ZNF224: variants seen among roughly 807,000 people sequenced by gnomAD.
ZNF224 encodes the protein bone marrow zinc finger 2.
ZNF224 carries 8 observed loss-of-function variants against 10.5 expected under a neutral mutation model. The ratio of observed to expected loss-of-function variants is 0.76; its 90% CI spans 0.45 to 1.37. The LOEUF is 1.37. Among genes scored for constraint, ZNF224 ranks in the 40% most tolerant of loss-of-function variants. The pLI is 0.00. For synonymous variants in ZNF224, 282 were observed against 287.8 expected, an observed-to-expected ratio of 0.98 and a Z score of 0.20; for missense variants, 754 against 854.0, an observed-to-expected ratio of 0.88 and a Z score of 1.46.
chr19:44,096,635 A>G (rs567272530), intron 2 of ZNF224, among the ~76,000 whole-genome samples: 1 of 152,222 alleles, frequency 6.6e-6, no homozygotes, highest in East Asian at 1.9e-4. Flanking sequence ...TCTATATTTA[A>G]ATTTGTTCTA....
At chr19:44,098,242 T>C (rs917040334) in intron 3 of ZNF224, among the ~76,000 whole-genome samples, 1 of 152,238 alleles carries the variant, frequency 6.6e-6, no homozygotes, top group Non-Finnish European at 1.5e-5. Flanking sequence ...GCACTCTTTG[T>C]ATTTAATATT....
chr19:44,097,836 A>G lies in ZNF224; in HGVS notation c.-38A>G. The G allele has an allele frequency of 6.2e-7, 1 of 1,613,552 alleles. No individual in the cohort carries two copies. The highest frequency in any genetic ancestry group is 8.5e-7 in the Non-Finnish European group (1 of 1,179,712). ...ATTCTGCTTTCCCAGGAACTGCATC[A>G]CTCAGGACTCTGCAAGTTTCCAGAA... On this transcript the variant is annotated 5_prime_UTR_variant, in exon 3 of 6. Transcript: ENST00000693561.
intron 2 of ZNF224, 115 bp downstream of exon 2, chr19:44,096,546 C>A (rs1433969425): frequency 6.6e-6 from 1 of 152,142 alleles, no homozygotes; most frequent in East Asian, 1.9e-4. Context: ...CCAAAGACTG[C>A]TAATAGTAGT....
At position 44,107,834 on chromosome 19, in the gene ZNF224, T is replaced by G. The variant is rs1967727441; in HGVS notation, c.1674T>G (p.His558Gln). 5 of 1,601,922 alleles carry G rather than the reference T, an allele frequency of 3.1e-6. No homozygotes were observed. Among genetic ancestry groups the G allele is most frequent in the Non-Finnish European group, 3.4e-6 (4 of 1,172,570 alleles). The change falls in exon 6 of 6, where the codon CAT becomes CAG. Residue 558 changes from histidine (H) to glutamine (Q), a missense_variant. By Grantham distance (24) the His-to-Gln change is conservative. Coordinates refer to ENST00000693561, the MANE Select transcript of ZNF224 (RefSeq NM_001321645.3). ...SFGWASCLLK[H>Q]QRLHSGEKPF... ...GCTGGGCCTCGTGTCTTTTGAAACATCAGAGACTGCACAGTGGAGAAAAAC... is the reference window on the plus strand; with the variant it reads ...GCTGGGCCTCGTGTCTTTTGAAACAGCAGAGACTGCACAGTGGAGAAAAAC...
At chr19:44,096,880 T>C (rs767829602) in intron 2 of ZNF224, among the ~76,000 whole-genome samples, 1 of 152,202 alleles carries the variant, frequency 6.6e-6, no homozygotes, top group African/African-American at 2.4e-5. Context: ...CGGGTTCACA[T>C]TATGCATTGT....
chr19:44,095,016 T>C (rs1270728462), intron 1 of ZNF224: 1 of 199,148 alleles, frequency 5.0e-6, no homozygotes, highest in South Asian at 9.9e-5. Flanking sequence ...TTGCGTCCAC[T>C]TTCATGAAGG....
At chr19:44,104,832 T>C (rs1191006145) in intron 5 of ZNF224, among the ~76,000 whole-genome samples, 1 of 152,180 alleles carries the variant, frequency 6.6e-6, no homozygotes, top group Admixed American at 6.5e-5. Context: ...TGGCTAATTT[T>C]TTTGTATTTT....
In ZNF224 at chr19:44,097,826, G is replaced by C. The variant is rs772623835; in HGVS notation, c.-48G>C. Reference sequence around the variant, plus strand: ...TGCAGGCACAATTCTGCTTTCCCAGGAACTGCATCACTCAGGACTCTGCAA... The same window carrying C: ...TGCAGGCACAATTCTGCTTTCCCAGCAACTGCATCACTCAGGACTCTGCAA... On this transcript the variant is annotated 5_prime_UTR_variant, in exon 3 of 6. Transcript: ENST00000693561. 13 of 1,610,386 alleles carry C rather than the reference G, an allele frequency of 8.1e-6. No individual in the cohort carries two copies. In the South Asian group the frequency reaches 1.1e-4, roughly 14 times the overall value.
chr19:44,108,586 C>G lies in ZNF224; in HGVS notation c.*302C>G, dbSNP rs1967756195. 1 of 444,982 alleles carries G rather than the reference C, an allele frequency of 2.2e-6. No individual in the cohort carries two copies. The highest frequency in any genetic ancestry group is 4.4e-6 in the Non-Finnish European group (1 of 228,606). 27.6% of individuals were successfully genotyped at this position (444,982 alleles called of 1,614,324 possible). ...GCTTCATTCAGAAGTTTGATAATTA[C>G]AGCTATCATTCAGGAGACAGGCCTT... On this transcript the variant is annotated 3_prime_UTR_variant, in exon 6 of 6. Coordinates refer to ENST00000693561, the MANE Select transcript of ZNF224 (RefSeq NM_001321645.3).
Position 44,108,195 on chromosome 19 carries a change from A to C in ZNF224, c.2035A>C (p.Thr679Pro). The C allele has an allele frequency of 6.2e-7, 1 of 1,614,134 alleles. No homozygotes were observed. Among genetic ancestry groups the C allele is most frequent in the Non-Finnish European group, 8.5e-7 (1 of 1,179,950 alleles). ...MHQRVHMGEK[T>P]WKCRECDMCF... is the part of the protein sequence containing the mutation. ...TCAGAGGGTCCACATGGGAGAGAAA[A>C]CATGGAAGTGTAGGGAGTGTGATAT... Residue 679 changes from threonine to proline, a missense_variant, in exon 6 of 6, where the codon ACA becomes CCA. By Grantham distance (38) the Thr-to-Pro change is conservative. Coordinates refer to ENST00000693561, the MANE Select transcript of ZNF224 (RefSeq NM_001321645.3).
At chr19:44,102,068 G>A (rs936838532) in intron 5 of ZNF224, among the ~76,000 whole-genome samples, 3 of 152,124 alleles carry the variant, frequency 2.0e-5, no homozygotes, top group African/African-American at 4.8e-5. Context: ...GTATAACAAC[G>A]TGATCATAAG....
chr19:44,099,850 A>G (rs1212424139), intron 3 of ZNF224, among the ~76,000 whole-genome samples: 3 of 152,212 alleles, frequency 2.0e-5, no homozygotes, highest in Non-Finnish European at 4.4e-5. Context: ...AAAACATGAC[A>G]TAATCATAAT....
intron 1 of ZNF224, 196 bp from the exon 2 acceptor site, chr19:44,096,147 A>G (rs757204729): frequency 5.9e-5 from 9 of 152,176 alleles, no homozygotes; most frequent in Non-Finnish European, 2.9e-5. Context: ...TTATCATGTT[A>G]TATCATACTC....
chr19:44,101,034 AGTTT>A, intron 4 of ZNF224, 95 bp from the exon 5 acceptor site: 2 of 1,611,332 alleles, frequency 1.2e-6, no homozygotes. Flanking sequence ...CTATGGTTCA[AGTTT>A]GAGTGTGCAG....
intron 5 of ZNF224, among the ~76,000 whole-genome samples, chr19:44,103,651 A>C (rs1208996575): frequency 6.6e-6 from 1 of 151,934 alleles, no homozygotes; most frequent in Non-Finnish European, 1.5e-5. Flanking sequence ...AGTATAAAGG[A>C]GTATTTATCT....
In ZNF224 at chr19:44,109,769, CAA is replaced by C. The variant is rs932679313; in HGVS notation, c.*1486_*1487del. On this transcript the variant is annotated 3_prime_UTR_variant, in exon 6 of 6. Coordinates refer to ENST00000693561, the MANE Select transcript of ZNF224 (RefSeq NM_001321645.3). ...AGACACAATAACAAAAGGAGAAAAA[CAA>C]TGTGGCTTTTTTTAGCCTTCATAAC... 2 of 152,138 alleles carry C rather than the reference CAA, an allele frequency of 1.3e-5. No homozygotes were observed. Among genetic ancestry groups the C allele is most frequent in the African/African-American group, 4.8e-5 (2 of 41,448 alleles). 9.4% of individuals were successfully genotyped at this position (152,138 alleles called of 1,614,324 possible). A position where few individuals can be genotyped will look rare whatever the true frequency, so the allele number is the denominator to read the frequency against.
intron 3 of ZNF224, 73 bp from the exon 4 acceptor site, chr19:44,100,724 CTCTG>C: frequency 6.5e-7 from 1 of 1,533,934 alleles, no homozygotes; most frequent in Non-Finnish European, 8.8e-7. Context: ...CACCCCTCCC[CTCTG>C]TCTGCTCAGT....
In ZNF224 at chr19:44,107,572, T is replaced by C; in HGVS notation, c.1412T>C (p.Leu471Pro). Residue 471 changes from leucine to proline, a missense_variant, in exon 6 of 6, where the codon CTT becomes CCT. Physicochemically the swap from Leu to Pro is moderately conservative, Grantham distance 98. Coordinates refer to ENST00000693561, the MANE Select transcript of ZNF224 (RefSeq NM_001321645.3). ...AAGAGCTTTAGTCGGGCCCCATGTC[T>C]TTTGAAACATGAGAGACTCCACAGT... is the stretch of plus-strand genomic sequence containing the variant. Reference protein sequence around the residue: ...CGKSFSRAPCLLKHERLHSGE... With the variant: ...CGKSFSRAPCPLKHERLHSGE... 2 of 1,613,764 alleles carry C rather than the reference T, an allele frequency of 1.2e-6. No individual in the cohort carries two copies. The highest frequency in any genetic ancestry group is 1.7e-6 in the Non-Finnish European group (2 of 1,179,884).
In ZNF224 at chr19:44,108,726, T is replaced by C. The variant is rs771240084; in HGVS notation, c.*442T>C. On this transcript the variant is annotated 3_prime_UTR_variant, in exon 6 of 6. Coordinates refer to ENST00000693561, the MANE Select transcript of ZNF224 (RefSeq NM_001321645.3). Reference sequence around the variant, plus strand: ...CTGCTAAGTCGTCACAGCCTTAACATTGATTAGCACTTTGTATGTGTTCAG... The same window carrying C: ...CTGCTAAGTCGTCACAGCCTTAACACTGATTAGCACTTTGTATGTGTTCAG... 12 of 516,644 alleles carry C rather than the reference T, an allele frequency of 2.3e-5. No homozygotes were observed. Among genetic ancestry groups the C allele is most frequent in the African/African-American group, 1.6e-4 (8 of 49,670 alleles). 32.0% of individuals were successfully genotyped at this position (516,644 alleles called of 1,614,324 possible).
Sources: gnomAD v4.1 joint callset for allele counts (sites outside exome capture counted in the v4.1 genomes callset) on GRCh38, gnomAD v4.1.1 for gene constraint, MANE v1.5 for transcripts, NCBI Gene and HGNC (gene_info 2026-07-23, HGNC 2026-07-21) for gene names.